The following CIMAP2 variants were observed in gnomAD, a reference collection of about 807,000 sequenced individuals.
CIMAP2 encodes the protein ciliary microtubule-associated protein 2.
At chr1:54,817,554 T>C in the CIMAP2 span, among the ~76,000 whole-genome samples, 2 of 152,148 alleles carry the variant, frequency 1.3e-5, no homozygotes, top group South Asian at 2.1e-4. Flanking sequence ...TTTCAGAAGG[T>C]TGCAAAGCCT....
chr1:54,813,073 G>T, the CIMAP2 span, among the ~76,000 whole-genome samples: 1 of 152,052 alleles, frequency 6.6e-6, no homozygotes, highest in South Asian at 2.1e-4. Context: ...CCCTCCTCAG[G>T]CACTGTGGCC....
chr1:54,814,040 TGG>T, the CIMAP2 span: 3 of 1,498,040 alleles, frequency 2.0e-6, no homozygotes, highest in Non-Finnish European at 2.7e-6. Context: ...GGGCTGGGCA[TGG>T]GGTAGGGTGG....
At chr1:54,841,601 T>C in the CIMAP2 span, 1 of 1,614,200 alleles carries the variant, frequency 6.2e-7, no homozygotes, top group Non-Finnish European at 8.5e-7. Flanking sequence ...TGAATTGCTG[T>C]AATCCCATCC....
the CIMAP2 span, among the ~76,000 whole-genome samples, chr1:54,814,624 TCTC>T: frequency 1.3e-5 from 2 of 152,268 alleles, no homozygotes; most frequent in Non-Finnish European, 2.9e-5. Flanking sequence ...TCTGGTGTGG[TCTC>T]CTTCCTCAGA....
the CIMAP2 span, among the ~76,000 whole-genome samples, chr1:54,840,995 TAGAAATG>T: frequency 6.6e-6 from 1 of 152,070 alleles, no homozygotes; most frequent in African/African-American, 2.4e-5. Context: ...GCCTCAATAG[TAGAAATG>T]AGAAATGAGG....
the CIMAP2 span, among the ~76,000 whole-genome samples, chr1:54,825,971 C>T: frequency 6.6e-6 from 1 of 152,132 alleles, no homozygotes; most frequent in Non-Finnish European, 1.5e-5. Flanking sequence ...GGTAGGTGCA[C>T]TAGTCTACGC....
At chr1:54,808,684 G>A in the CIMAP2 span, among the ~76,000 whole-genome samples, 4 of 150,384 alleles carry the variant, frequency 2.7e-5, no homozygotes, top group Non-Finnish European at 5.9e-5. Flanking sequence ...CCTTCGAGAG[G>A]GCCAGGGTTG....
At chr1:54,811,773 G>GGACCCCCCCCCCC in the CIMAP2 span, 1 of 1,325,052 alleles carries the variant, frequency 7.5e-7, no homozygotes, top group Admixed American at 2.4e-5. Flanking sequence ...CAGCCTCCAT[G>GGACCCCCCCCCCC]CCCCCACCCC....
At chr1:54,829,480 A>G in the CIMAP2 span, among the ~76,000 whole-genome samples, 1 of 152,216 alleles carries the variant, frequency 6.6e-6, no homozygotes, top group African/African-American at 2.4e-5. Context: ...CTCCTGGCTC[A>G]GAATTATGAT....
At chr1:54,813,729 C>G in the CIMAP2 span, 2 of 1,433,178 alleles carry the variant, frequency 1.4e-6, no homozygotes, top group Middle Eastern at 2.1e-4. Context: ...TGCCCCATTG[C>G]TTTTCTCTGG....
the CIMAP2 span, among the ~76,000 whole-genome samples, chr1:54,835,259 T>G: frequency 0.83 from 126,768 of 152,132 alleles, 53,245 homozygotes; most frequent in East Asian, 0.9. Flanking sequence ...TGGTGCAATG[T>G]TGGCTCACTG....
the CIMAP2 span, among the ~76,000 whole-genome samples, chr1:54,812,342 C>T: frequency 1.4e-4 from 21 of 152,336 alleles, no homozygotes; most frequent in East Asian, 3.9e-3. Context: ...GGGCTGGATC[C>T]GGTTTCCCAT....
At chr1:54,836,380 G>A in the CIMAP2 span, among the ~76,000 whole-genome samples, 1 of 151,556 alleles carries the variant, frequency 6.6e-6, no homozygotes, top group Non-Finnish European at 1.5e-5. Flanking sequence ...GGTGGGGGTG[G>A]ATGGGGTAGA....
chr1:54,819,460 C>T, the CIMAP2 span, among the ~76,000 whole-genome samples: 1 of 152,232 alleles, frequency 6.6e-6, no homozygotes, highest in Non-Finnish European at 1.5e-5. Flanking sequence ...CCTAGAACTC[C>T]TGAGCCAAAG....
At chr1:54,812,239 C>T in the CIMAP2 span, 2 of 1,609,032 alleles carry the variant, frequency 1.2e-6, no homozygotes, top group South Asian at 2.2e-5. Context: ...AGCAGGATGA[C>T]AGGCCTCACT....
the CIMAP2 span, among the ~76,000 whole-genome samples, chr1:54,826,516 C>G: frequency 6.6e-6 from 1 of 152,148 alleles, no homozygotes; most frequent in Non-Finnish European, 1.5e-5. Flanking sequence ...GGGGACTGGG[C>G]TCTCAAAATG....
the CIMAP2 span, among the ~76,000 whole-genome samples, chr1:54,839,210 A>G: frequency 1.3e-5 from 2 of 152,016 alleles, no homozygotes; most frequent in South Asian, 4.1e-4. Context: ...GCAATACTAA[A>G]TGGCCCATTT....
the CIMAP2 span, among the ~76,000 whole-genome samples, chr1:54,821,417 T>C: frequency 1.3e-5 from 2 of 152,084 alleles, no homozygotes; most frequent in Admixed American, 6.5e-5. Flanking sequence ...TAGTGAGGGG[T>C]CTAGTTTCAT....
chr1:54,812,036 T>A, the CIMAP2 span: 1 of 1,614,170 alleles, frequency 6.2e-7, no homozygotes, highest in South Asian at 1.1e-5. Context: ...TCACCTCTGC[T>A]GTGCTCTAGG....
Sources: gnomAD v4.1 joint callset for allele counts (sites outside exome capture counted in the v4.1 genomes callset) on GRCh38, gnomAD v4.1.1 for gene constraint, MANE v1.5 for transcripts, NCBI Gene and HGNC (gene_info 2026-07-23, HGNC 2026-07-21) for gene names.